Variants in DCK observed in about 807,000 individuals in gnomAD.
DCK encodes deoxycytidine kinase, also known as deoxyadenosine kinase.
A neutral mutation model predicts 38.3 loss-of-function variants in DCK; 23 were observed. The observed-to-expected ratio is 0.60, with a 90% CI of 0.43 to 0.85. The LOEUF (loss-of-function observed/expected upper bound fraction) is 0.85, where lower values mean the gene tolerates loss of function less well. DCK is among the 40% of genes least tolerant of loss of function. The probability of loss-of-function intolerance (pLI) is 0.00; values close to 1 mark genes in which losing one functional copy is unlikely to be tolerated. For missense variants in DCK, 259 were observed against 304.4 expected (o/e 0.85, Z 1.11); for synonymous variants, 108 against 100.6 (o/e 1.07, Z -0.44).
intron 2 of DCK, among the ~76,000 whole-genome samples, chr4:71,011,600 C>T (rs969549494): frequency 1.3e-5 from 2 of 152,140 alleles, no homozygotes; most frequent in East Asian, 1.9e-4. Context: ...TCAAGCAATC[C>T]GCCTGCCTCG....
At chr4:71,014,580 C>T (rs1486388707) in intron 2 of DCK, among the ~76,000 whole-genome samples, 2 of 43,426 alleles carry the variant, frequency 4.6e-5, no homozygotes, top group African/African-American at 6.3e-5. Context: ...TCTCAGACCA[C>T]AGTGCAATCG....
At chr4:71,000,741 G>A (rs560201598) in intron 2 of DCK, among the ~76,000 whole-genome samples, 16 of 152,096 alleles carry the variant, frequency 1.1e-4, no homozygotes, top group Non-Finnish European at 1.5e-4. Context: ...CTTCACATCC[G>A]TTGTAAGTTG....
intron 4 of DCK, 25 bp from the exon 5 acceptor site, chr4:71,025,791 T>G: frequency 6.4e-7 from 1 of 1,573,378 alleles, no homozygotes; most frequent in South Asian, 1.2e-5. Context: ...GCCTTTTTCT[T>G]CCATCTCTTA....
At chr4:70,999,864 GTTGT>G (rs762669026) in intron 2 of DCK, among the ~76,000 whole-genome samples, 29 of 152,070 alleles carry the variant, frequency 1.9e-4, no homozygotes, top group Non-Finnish European at 3.8e-4. Flanking sequence ...TTCTGATTGG[GTTGT>G]TTGTTTTTTT....
At chr4:71,011,512 A>G (rs1399682743) in intron 2 of DCK, among the ~76,000 whole-genome samples, 1 of 152,116 alleles carries the variant, frequency 6.6e-6, no homozygotes, top group Non-Finnish European at 1.5e-5. Flanking sequence ...CCACACCAAC[A>G]TGCCCGGCTA....
intron 1 of DCK, among the ~76,000 whole-genome samples, chr4:70,994,400 A>G (rs975822678): frequency 3.9e-5 from 6 of 152,024 alleles, no homozygotes; most frequent in South Asian, 4.1e-4. Context: ...CACCCTTCCT[A>G]TTCCCTGGCA....
At chr4:71,015,347 C>G (rs925445124) in intron 2 of DCK, among the ~76,000 whole-genome samples, 2 of 152,188 alleles carry the variant, frequency 1.3e-5, no homozygotes, top group African/African-American at 2.4e-5. Flanking sequence ...CGAATTCTAC[C>G]AGCAGTACAA....
chr4:71,008,580 C>T (rs986010392), intron 2 of DCK, among the ~76,000 whole-genome samples: 13 of 152,130 alleles, frequency 8.5e-5, no homozygotes. Flanking sequence ...CCTTTTATTT[C>T]TGGGGTCAGC....
intron 2 of DCK, among the ~76,000 whole-genome samples, chr4:71,021,364 C>T (rs1400885180): frequency 1.3e-5 from 2 of 152,148 alleles, no homozygotes; most frequent in Non-Finnish European, 2.9e-5. Flanking sequence ...CGTGAGCCAC[C>T]GCGCCCGGCC....
chr4:71,008,783 A>G (rs779423414), intron 2 of DCK, among the ~76,000 whole-genome samples: 1 of 152,236 alleles, frequency 6.6e-6, no homozygotes, highest in Non-Finnish European at 1.5e-5. Flanking sequence ...TAAAACCAAA[A>G]TGCCAAAAAT....
chr4:71,002,755 T>C (rs898285047), intron 2 of DCK, among the ~76,000 whole-genome samples: 1 of 152,192 alleles, frequency 6.6e-6, no homozygotes, highest in African/African-American at 2.4e-5. Flanking sequence ...TTAAAGTCTG[T>C]TTTATCTGAG....
At chr4:71,003,439 C>T (rs1364273703) in intron 2 of DCK, among the ~76,000 whole-genome samples, 3 of 152,082 alleles carry the variant, frequency 2.0e-5, no homozygotes, top group East Asian at 1.9e-4. Context: ...TGTGTCTTGG[C>T]GTTGCTCTTC....
At chr4:71,020,679 C>A (rs1329815824) in intron 2 of DCK, among the ~76,000 whole-genome samples, 1 of 152,062 alleles carries the variant, frequency 6.6e-6, no homozygotes, top group African/African-American at 2.4e-5. Context: ...TTAGGAGCCT[C>A]AAAACATGAC....
At chr4:71,018,574 C>T (rs1158957641) in intron 2 of DCK, among the ~76,000 whole-genome samples, 3 of 151,674 alleles carry the variant, frequency 2.0e-5, no homozygotes, top group Non-Finnish European at 4.4e-5. Context: ...CACTCTGACA[C>T]ATTCATATTT....
intron 2 of DCK, among the ~76,000 whole-genome samples, chr4:71,005,411 G>A (rs1260004372): frequency 1.3e-5 from 2 of 151,786 alleles, no homozygotes; most frequent in Non-Finnish European, 1.5e-5. Context: ...TTCCTATTTG[G>A]CCATCTTGCC....
intron 6 of DCK, among the ~76,000 whole-genome samples, 197 bp from the exon 7 acceptor site, chr4:71,029,155 A>C (rs1040904709): frequency 6.6e-6 from 1 of 152,186 alleles, no homozygotes; most frequent in Non-Finnish European, 1.5e-5. Flanking sequence ...CGGCCTCCCA[A>C]AATGCTAGAA....
chr4:71,008,789 A>G (rs2148914735), intron 2 of DCK, among the ~76,000 whole-genome samples: 1 of 152,360 alleles, frequency 6.6e-6, no homozygotes, highest in Non-Finnish European at 1.5e-5. Context: ...CAAAATGCCA[A>G]AAATTTTAAT....
At chr4:71,014,971 T>C (rs541117947) in intron 2 of DCK, among the ~76,000 whole-genome samples, 1 of 152,148 alleles carries the variant, frequency 6.6e-6, no homozygotes, top group Admixed American at 6.5e-5. Context: ...AAAAAATCAA[T>C]GAATCCAGGA....
intron 2 of DCK, among the ~76,000 whole-genome samples, chr4:71,010,862 A>G (rs1008105007): frequency 6.6e-6 from 1 of 151,706 alleles, no homozygotes; most frequent in South Asian, 2.1e-4. Flanking sequence ...CTGAAAAACT[A>G]GTAATTGTGA....
Sources: allele counts gnomAD v4.1 joint callset (sites outside exome capture counted in the v4.1 genomes callset), GRCh38; gene constraint gnomAD v4.1.1; transcripts MANE v1.5; gene names NCBI Gene and HGNC (gene_info 2026-07-23, HGNC 2026-07-21).